Variants in RPA3 observed in about 807,000 individuals in gnomAD.
The protein encoded by RPA3 is replication protein A3.
In RPA3, 24 loss-of-function variants were observed where a neutral mutation model predicts 13.7. The observed-to-expected ratio is 1.75, with a 90% CI of 1.27 to 2.46. The LOEUF (loss-of-function observed/expected upper bound fraction) is 2.46. RPA3 is among the 30% of genes most tolerant of loss of function. The probability of loss-of-function intolerance (pLI) is 0.00; values close to 1 mark genes in which losing one functional copy is unlikely to be tolerated. For missense variants in RPA3, 183 were observed against 151.0 expected, an observed-to-expected ratio of 1.21 and a Z score of -1.11; for synonymous variants, 59 against 51.2, an observed-to-expected ratio of 1.15 and a Z score of -0.65.
At position 7,689,192 on chromosome 7, in the gene RPA3, C is replaced by A. The variant is rs1396780561; in HGVS notation, c.-1027-1864G>T. On this transcript the variant is annotated intron_variant, in intron 2 of 7. Coordinates refer to ENST00000223129, the MANE Select transcript of RPA3 (RefSeq NM_002947.5). The stretch of plus-strand genomic sequence containing the variant: ...TTAGGAATGGGCACCCATCACATTT[C>A]TGACTGCGACATGAAGGAAGATCAA... The A allele has an allele frequency of 3.3e-5, 5 of 152,194 alleles. No homozygotes were observed. The East Asian group carries it at 9.6e-4, about 29-fold the overall frequency. 9.4% of individuals were successfully genotyped at this position (152,194 alleles called of 1,614,324 possible). A position where few individuals can be genotyped will look rare whatever the true frequency, so the allele number is the denominator to read the frequency against.
chr7:7,686,485 G>A (rs1439028912), intron 3 of RPA3, among the ~76,000 whole-genome samples: 1 of 152,114 alleles, frequency 6.6e-6, no homozygotes, highest in East Asian at 1.9e-4. Context: ...GTTTCAGCAA[G>A]ATTGAGAATT....
intron 2 of RPA3, among the ~76,000 whole-genome samples, chr7:7,711,797 G>C (rs1780770652): frequency 6.6e-6 from 1 of 151,970 alleles, no homozygotes; most frequent in East Asian, 1.9e-4. Context: ...ACATTTTGAT[G>C]TGACAGTTTT....
At chr7:7,641,745 T>C (rs372961248) in intron 4 of RPA3, 1 of 152,212 alleles carries the variant, frequency 6.6e-6, no homozygotes, top group African/African-American at 2.4e-5. Flanking sequence ...TTGGGTATTA[T>C]AACGTTGTGG....
chr7:7,685,082 A>T (rs1024612180), intron 4 of RPA3, among the ~76,000 whole-genome samples: 2 of 152,200 alleles, frequency 1.3e-5, no homozygotes, highest in Non-Finnish European at 2.9e-5. Context: ...TATATTAAAG[A>T]TATAGATAAT....
intron 4 of RPA3, among the ~76,000 whole-genome samples, chr7:7,672,867 T>C (rs4725015): frequency 0.87 from 132,861 of 152,170 alleles, 58,121 homozygotes; most frequent in East Asian, 0.97. Context: ...GGATGTTTGA[T>C]GTGTTTTCTT....
chr7:7,717,175 G>A (rs945177160), intron 1 of RPA3, among the ~76,000 whole-genome samples: 1 of 149,882 alleles, frequency 6.7e-6, no homozygotes, highest in Non-Finnish European at 1.5e-5. Context: ...TCTCACCTCT[G>A]CCTCCCGCGT....
At chr7:7,658,962 A>G (rs573245479) in intron 4 of RPA3, among the ~76,000 whole-genome samples, 1 of 152,206 alleles carries the variant, frequency 6.6e-6, no homozygotes, top group African/African-American at 2.4e-5. Context: ...GTAGGCTATT[A>G]ATTACTGCCT....
intron 4 of RPA3, among the ~76,000 whole-genome samples, chr7:7,669,437 G>C (rs1015864845): frequency 6.6e-6 from 1 of 152,124 alleles, no homozygotes; most frequent in Non-Finnish European, 1.5e-5. Context: ...TGTAGGTTAC[G>C]TTTTTATACC....
rs187489151 is a variant in RPA3 at position 7,679,669 on chromosome 7, A to G, written c.-758+6161T>C. 7.8e-3 allele frequency among the ~76,000 whole-genome samples: 898 copies of G among 115,544 alleles called. 27 individuals carry two copies. Among genetic ancestry groups the G allele is most frequent in the Non-Finnish European group, 0.011 (668 of 58,718 alleles). 75.8% of individuals were successfully genotyped at this position (115,544 alleles called of 152,430 possible). A position where few individuals can be genotyped will look rare whatever the true frequency, so the allele number is the denominator to read the frequency against. ...AGATAAATATATATTTATATATTTAATTTATAGATAAATATATATTTATAT... is the reference window on the plus strand; with the variant it reads ...AGATAAATATATATTTATATATTTAGTTTATAGATAAATATATATTTATAT... On this transcript the variant is annotated intron_variant, in intron 4 of 7. Transcript: ENST00000223129.
chr7:7,709,485 G>T (rs1350656000), intron 2 of RPA3, among the ~76,000 whole-genome samples: 1 of 152,206 alleles, frequency 6.6e-6, no homozygotes, highest in Non-Finnish European at 1.5e-5. Flanking sequence ...AAAGCAGAAG[G>T]AACTGTGTGG....
chr7:7,665,392 G>T (rs1179918030), intron 4 of RPA3, among the ~76,000 whole-genome samples: 1 of 152,134 alleles, frequency 6.6e-6, no homozygotes, highest in Non-Finnish European at 1.5e-5. Flanking sequence ...ATGCAGAAAA[G>T]AAACATTTTG....
chr7:7,640,292 G>C, intron 5 of RPA3, 28 bp downstream of exon 5: 2 of 1,610,696 alleles, frequency 1.2e-6, no homozygotes, highest in Non-Finnish European at 1.7e-6. Flanking sequence ...CTACGGACTT[G>C]GGAGCCCATG....
Position 7,675,653 on chromosome 7 carries a change from C to T in RPA3, c.-758+10177G>A, listed in dbSNP as rs527329719. Among the ~76,000 whole-genome samples, 3 of 152,242 alleles carry T rather than the reference C, an allele frequency of 2.0e-5. No individual in the cohort carries two copies. In the South Asian group the frequency reaches 6.2e-4, roughly 32 times the overall value. Reference sequence around the variant, plus strand: ...AATTACTCTAATATGCTCTCAGTACCAGCTGCTCCATCTGAGGGAATTTTC... The same window carrying T: ...AATTACTCTAATATGCTCTCAGTACTAGCTGCTCCATCTGAGGGAATTTTC... On this transcript the variant is annotated intron_variant, in intron 4 of 7. Coordinates refer to ENST00000223129, the MANE Select transcript of RPA3 (RefSeq NM_002947.5).
chr7:7,663,595 G>A (rs566738496), intron 4 of RPA3, among the ~76,000 whole-genome samples: 1 of 151,818 alleles, frequency 6.6e-6, no homozygotes, highest in African/African-American at 2.4e-5. Flanking sequence ...ATTAAATCAG[G>A]TCTCTACTAT....
chr7:7,648,963 G>A (rs1323597464), intron 4 of RPA3, among the ~76,000 whole-genome samples: 1 of 152,070 alleles, frequency 6.6e-6, no homozygotes, highest in Non-Finnish European at 1.5e-5. Flanking sequence ...GTTGAGACCA[G>A]CCTGGCCAAC....
At chr7:7,681,884 T>A (rs1779921897) in intron 4 of RPA3, among the ~76,000 whole-genome samples, 1 of 152,170 alleles carries the variant, frequency 6.6e-6, no homozygotes, top group African/African-American at 2.4e-5. Context: ...AATGTTAGGA[T>A]ATAATTCCTT....
chr7:7,691,221 C>T (rs1057406419), intron 2 of RPA3, among the ~76,000 whole-genome samples: 9 of 152,200 alleles, frequency 5.9e-5, no homozygotes, highest in African/African-American at 2.2e-4. Flanking sequence ...CATTAATTTT[C>T]AAGCAAGTAT....
chr7:7,715,147 T>C (rs1780866430), intron 2 of RPA3, 28 bp downstream of exon 2: 1 of 152,210 alleles, frequency 6.6e-6, no homozygotes, highest in South Asian at 2.1e-4. Flanking sequence ...ACCTTCAGCA[T>C]AGAAACAGTT....
At chr7:7,650,171 G>A (rs1271742807) in intron 4 of RPA3, among the ~76,000 whole-genome samples, 1 of 152,136 alleles carries the variant, frequency 6.6e-6, no homozygotes, top group African/African-American at 2.4e-5. Flanking sequence ...TAGAGATTTA[G>A]TTCTGTTTTG....
Sources: gnomAD v4.1 joint callset for allele counts (sites outside exome capture counted in the v4.1 genomes callset) on GRCh38, gnomAD v4.1.1 for gene constraint, MANE v1.5 for transcripts, NCBI Gene and HGNC (gene_info 2026-07-23, HGNC 2026-07-21) for gene names.